PITRM1: variants seen among roughly 807,000 people sequenced by gnomAD.
PITRM1 encodes pitrilysin metallopeptidase 1.
PITRM1 carries 100 observed loss-of-function variants against 129.9 expected under a neutral mutation model. The observed-to-expected ratio is 0.77, with a 90% CI of 0.65 to 0.91. PITRM1 has a LOEUF of 0.91. Among genes scored for constraint, PITRM1 ranks in the 40% least tolerant of loss-of-function variants. The pLI is 0.00. For synonymous variants in PITRM1, 591 were observed against 508.8 expected (o/e 1.16, Z -2.17); for missense variants, 1,471 against 1,318.3 (o/e 1.12, Z -1.79).
chr10:3,155,241 C>G (rs1841877835), intron 14 of PITRM1, among the ~76,000 whole-genome samples: 1 of 152,196 alleles, frequency 6.6e-6, no homozygotes, highest in South Asian at 2.1e-4. Context: ...GGCCTCTTCC[C>G]AACACACAGC....
intron 14 of PITRM1, among the ~76,000 whole-genome samples, chr10:3,154,074 T>A (rs950689014): frequency 4.6e-5 from 7 of 152,210 alleles, no homozygotes; most frequent in African/African-American, 1.4e-4. Flanking sequence ...CAGCAGCTTC[T>A]CATCTGCTCT....
rs565680845 is a variant in PITRM1, at chr10:3,148,653, G to A, written c.1872-362C>T. The A allele has an allele frequency of 1.2e-4, 22 of 185,684 alleles. No individual in the cohort carries two copies. The South Asian group carries it at 3.1e-3, about 26-fold the overall frequency. The allele number at this position is 185,684 out of a possible 1,614,324, so 11.5% of individuals were successfully genotyped here. On this transcript the variant is annotated intron_variant, in intron 16 of 26. Coordinates refer to ENST00000224949, the MANE Select transcript of PITRM1 (RefSeq NM_014889.4). ...CCCTACTCTCTTCACCCAGATCACCGTGATACATACTTCCTTTGTTTTGCT... is the reference window on the plus strand; with the variant it reads ...CCCTACTCTCTTCACCCAGATCACCATGATACATACTTCCTTTGTTTTGCT...
intron 24 of PITRM1, among the ~76,000 whole-genome samples, chr10:3,139,305 A>G (rs1334816120): frequency 3.9e-5 from 6 of 152,232 alleles, no homozygotes; most frequent in Non-Finnish European, 8.8e-5. Context: ...GATTATTTAA[A>G]TACACTTCTC....
chr10:3,140,216 T>C (rs1840043148), intron 24 of PITRM1, among the ~76,000 whole-genome samples: 1 of 152,250 alleles, frequency 6.6e-6, no homozygotes, highest in African/African-American at 2.4e-5. Flanking sequence ...AGCTCTTGGA[T>C]ACCCACAGCG....
Position 3,159,026 on chromosome 10 carries a change from C to G in PITRM1, c.1024G>C (p.Glu342Gln), listed in dbSNP as rs773129612. The G allele has an allele frequency of 3.7e-6, 6 of 1,610,056 alleles. No homozygotes were observed. The highest frequency in any genetic ancestry group is 5.1e-6 in the Non-Finnish European group (6 of 1,178,004). The change falls in exon 10 of 27, where the codon GAA becomes CAA. Residue 342 changes from glutamate to glutamine, a missense_variant. By Grantham distance (29) the Glu-to-Gln change is conservative. Transcript: ENST00000224949. ...GACAGAAGACTTAATGTGAAGGCTTCAAATGTGTCGGTGATGCTGCATTGA... is the reference window on the plus strand; with the variant it reads ...GACAGAAGACTTAATGTGAAGGCTTGAAATGTGTCGGTGATGCTGCATTGA... ...FLLPDITDTF[E>Q]AFTLSLLSSL...
chr10:3,151,419 C>G (rs1841508387), intron 14 of PITRM1, 56 bp from the exon 15 acceptor site: 1 of 991,708 alleles, frequency 1.0e-6, no homozygotes, highest in East Asian at 2.6e-5. Flanking sequence ...AGGTTTGATG[C>G]AACTTGTCTC....
In PITRM1 at chr10:3,145,640, G is replaced by T. The variant is rs1055454754; in HGVS notation, c.2413C>A (p.Arg805=). 8 of 1,550,144 alleles carry T rather than the reference G, an allele frequency of 5.2e-6. No homozygotes were observed. The highest frequency in any genetic ancestry group is 7.0e-6 in the Non-Finnish European group (8 of 1,146,972). ...ACAGGCCTCCGTTCCTTTTTACTCC[G>T]ACCGATGCTTCTAAGGAAGTCTTCG... is the stretch of plus-strand genomic sequence containing the variant. ...AVEDFLRSIG[R]SKKERRPVRP... is the part of the protein sequence containing the mutation. Residue 805 remains arginine (R), a synonymous_variant, in exon 21 of 27, where the codon CGG becomes AGG. Transcript: ENST00000224949.
chr10:3,157,213 T>A (rs1261735810), intron 12 of PITRM1, 149 bp from the exon 13 acceptor site: 4 of 815,862 alleles, frequency 4.9e-6, no homozygotes, highest in Non-Finnish European at 7.3e-6. Flanking sequence ...ATTCTTTGGA[T>A]GGAGAAACAA....
chr10:3,168,230 C>G (rs2132516888), intron 2 of PITRM1, among the ~76,000 whole-genome samples: 1 of 152,332 alleles, frequency 6.6e-6, no homozygotes. Context: ...AAGCAGACCA[C>G]TATGACCTGC....
At chr10:3,165,387 C>T in intron 5 of PITRM1, 26 bp downstream of exon 5, 1 of 1,605,146 alleles carries the variant, frequency 6.2e-7, no homozygotes, top group East Asian at 2.2e-5. Context: ...AAGTCTGTAT[C>T]AACTAGTTAA....
intron 2 of PITRM1, among the ~76,000 whole-genome samples, chr10:3,168,229 A>G (rs1006685129): frequency 3.9e-5 from 6 of 152,172 alleles, no homozygotes; most frequent in African/African-American, 1.4e-4. Flanking sequence ...AAAGCAGACC[A>G]CTATGACCTG....
chr10:3,143,770 C>T (rs531878604), intron 22 of PITRM1: 29 of 669,196 alleles, frequency 4.3e-5, no homozygotes, highest in South Asian at 2.9e-4. Context: ...GATGCCTTAA[C>T]GTATACTGTT....
At chr10:3,138,868 T>G (rs1406351347) in intron 25 of PITRM1, 36 bp downstream of exon 25, 2 of 1,607,054 alleles carry the variant, frequency 1.2e-6, no homozygotes, top group African/African-American at 2.7e-5. Context: ...TCTGTGAGGC[T>G]GTGGGTTGAG....
In PITRM1 at chr10:3,148,248, T is replaced by A; in HGVS notation, c.1915A>T (p.Ile639Leu). ...CTCATCCCTCCGGTCTTCAATTCTA[T>A]CTGCTGAGCCTGCTCCCGGTAGTCA... is the stretch of plus-strand genomic sequence containing the variant. ...LLDYREQAQQIELKTGGMSAS... is the reference protein window; with the variant it reads ...LLDYREQAQQLELKTGGMSAS... The change falls in exon 17 of 27, where the codon ATA becomes TTA. Residue 639 changes from isoleucine to leucine, a missense_variant. Ile to Leu is a conservative substitution (Grantham distance 5, BLOSUM62 2). Transcript: ENST00000224949. The A allele has an allele frequency of 6.2e-7, 1 of 1,613,948 alleles. No individual in the cohort carries two copies. The highest frequency in any genetic ancestry group is 1.1e-5 in the South Asian group (1 of 91,084).
At position 3,149,728 on chromosome 10, in the gene PITRM1, G is replaced by A. The variant is rs756568747; in HGVS notation, c.1764C>T (p.Cys588=). ...LTAGDIPVQY[C]AQPTNGMVYF... is the part of the protein sequence containing the mutation. ...ACACCATGCCATTGGTGGGCTGGGC[G>A]CAGTACTGAACAGGGATATCTCCAG... The change falls in exon 16 of 27, where the codon TGC becomes TGT. Residue 588 remains cysteine (C), a synonymous_variant. Transcript: ENST00000224949. 2.7e-5 allele frequency: 43 copies of A among 1,612,918 alleles called. No homozygotes were observed. Among genetic ancestry groups the A allele is most frequent in the African/African-American group, 6.7e-5 (5 of 74,836 alleles).
At chr10:3,141,690 C>A (rs905293246) in intron 23 of PITRM1, 1 of 470,264 alleles carries the variant, frequency 2.1e-6, no homozygotes. Flanking sequence ...TGAAGACGCC[C>A]GTGGTGAGAT....
intron 14 of PITRM1, among the ~76,000 whole-genome samples, chr10:3,154,846 C>T (rs1388753407): frequency 6.6e-6 from 1 of 152,166 alleles, no homozygotes; most frequent in African/African-American, 2.4e-5. Context: ...CCGGCTGCTC[C>T]CCCAGCGGCT....
At chr10:3,171,173 A>AAAAAAAAAAAAAAAAAAAAAAT (rs1843318667) in intron 1 of PITRM1, among the ~76,000 whole-genome samples, 1 of 144,792 alleles carries the variant, frequency 6.9e-6, no homozygotes, top group Non-Finnish European at 1.5e-5. Context: ...AAAAAAAAAA[A>AAAAAAAAAAAAAAAAAAAAAAT]AAAAAAAAAA....
In PITRM1 at chr10:3,159,805, C is replaced by T. The variant is rs531881480; in HGVS notation, c.1007+43G>A. On this transcript the variant is annotated intron_variant, in intron 9 of 26. Coordinates refer to ENST00000224949, the MANE Select transcript of PITRM1 (RefSeq NM_014889.4). ...CGAACCTTCTAATAGGAACATTTTC[C>T]TCATGTTTTTGTCTTGTATGAGCTT... The T allele has an allele frequency of 4.1e-5, 48 of 1,165,808 alleles. No individual in the cohort carries two copies. In the South Asian group the frequency reaches 5.6e-4, roughly 14 times the overall value. 72.2% of individuals were successfully genotyped at this position (1,165,808 alleles called of 1,614,324 possible).
Sources: allele counts gnomAD v4.1 joint callset (sites outside exome capture counted in the v4.1 genomes callset), GRCh38; gene constraint gnomAD v4.1.1; transcripts MANE v1.5; gene names NCBI Gene and HGNC (gene_info 2026-07-23, HGNC 2026-07-21).